The following NDUFAF2 variants were observed in gnomAD, a reference collection of about 807,000 sequenced individuals.
NDUFAF2 encodes NADH:ubiquinone oxidoreductase complex assembly factor 2, also known as NADH dehydrogenase [ubiquinone] 1 alpha subcomplex assembly factor 2.
In NDUFAF2, 13 loss-of-function variants were observed where a neutral mutation model predicts 22.8. The observed-to-expected ratio is 0.57, with a 90% CI of 0.37 to 0.91. The LOEUF (loss-of-function observed/expected upper bound fraction) is 0.91, where lower values mean the gene tolerates loss of function less well. NDUFAF2 is among the 40% of genes least tolerant of loss of function. NDUFAF2 has a pLI of 0.01. For synonymous variants in NDUFAF2, 53 were observed against 64.2 expected (o/e 0.83, Z 0.84); for missense variants, 162 against 195.2 (o/e 0.83, Z 1.01).
chr5:60,959,149 T>C (rs2112566518), intron 1 of NDUFAF2, among the ~76,000 whole-genome samples: 1 of 152,252 alleles, frequency 6.6e-6, no homozygotes, highest in East Asian at 1.9e-4. Context: ...GTCAGAATTA[T>C]AAGTCAAGTC....
chr5:61,094,178 A>T (rs1389504164), intron 2 of NDUFAF2, among the ~76,000 whole-genome samples: 1 of 152,150 alleles, frequency 6.6e-6, no homozygotes, highest in Non-Finnish European at 1.5e-5. Flanking sequence ...GGTTTTGTTC[A>T]TTCTTTTTCA....
chr5:60,989,604 A>T (rs1580082768), intron 1 of NDUFAF2, among the ~76,000 whole-genome samples: 1 of 152,218 alleles, frequency 6.6e-6, no homozygotes, highest in East Asian at 1.9e-4. Flanking sequence ...AGCAACATGG[A>T]TGGAACTGAA....
At chr5:60,980,786 G>C (rs1750966369) in intron 1 of NDUFAF2, among the ~76,000 whole-genome samples, 1 of 151,990 alleles carries the variant, frequency 6.6e-6, no homozygotes, top group South Asian at 2.1e-4. Flanking sequence ...GACAAATGCA[G>C]TTGACACACT....
intron 1 of NDUFAF2, among the ~76,000 whole-genome samples, chr5:61,010,990 A>G (rs1294591985): frequency 1.3e-5 from 2 of 152,066 alleles, no homozygotes; most frequent in East Asian, 3.9e-4. Flanking sequence ...ATGGCGCTGT[A>G]AGGACAGCAG....
intron 1 of NDUFAF2, among the ~76,000 whole-genome samples, chr5:61,065,719 A>T (rs1752218219): frequency 6.6e-6 from 1 of 152,120 alleles, no homozygotes; most frequent in Non-Finnish European, 1.5e-5. Flanking sequence ...CCATTTATTA[A>T]AAACGCACAG....
intron 3 of NDUFAF2, among the ~76,000 whole-genome samples, chr5:61,149,307 A>ATG (rs1741192877): frequency 6.6e-6 from 1 of 152,172 alleles, no homozygotes; most frequent in African/African-American, 2.4e-5. Flanking sequence ...CTCACCTTGT[A>ATG]ATACATAACT....
chr5:60,988,511 T>A (rs955788394), intron 1 of NDUFAF2, among the ~76,000 whole-genome samples: 4 of 152,146 alleles, frequency 2.6e-5, no homozygotes, highest in African/African-American at 9.7e-5. Context: ...AGGCATAATG[T>A]TACCCGACTT....
chr5:61,002,228 A>G (rs1751305779), intron 1 of NDUFAF2, among the ~76,000 whole-genome samples: 1 of 152,140 alleles, frequency 6.6e-6, no homozygotes, highest in South Asian at 2.1e-4. Context: ...TCAGTTACCT[A>G]TTCTGTGAGT....
At chr5:60,974,956 C>T (rs1376719201) in intron 1 of NDUFAF2, among the ~76,000 whole-genome samples, 1 of 152,038 alleles carries the variant, frequency 6.6e-6, no homozygotes, top group Non-Finnish European at 1.5e-5. Context: ...ACTGAGATTA[C>T]AGGTGCACAC....
At chr5:61,075,295 G>A (rs577424360) in intron 2 of NDUFAF2, among the ~76,000 whole-genome samples, 15 of 151,656 alleles carry the variant, frequency 9.9e-5, no homozygotes, top group Non-Finnish European at 1.6e-4. Context: ...CATCATTTCA[G>A]TAAAAATATT....
chr5:61,136,035 A>G lies in NDUFAF2; in HGVS notation c.259-16669A>G, dbSNP rs554549327. On this transcript the variant is annotated intron_variant, in intron 3 of 3. Coordinates refer to ENST00000296597, the MANE Select transcript of NDUFAF2 (RefSeq NM_174889.5). Reference sequence around the variant, plus strand: ...TATATATATATATATATATATATATATATATATCTAGGGTGGATTGCTTTT... The same window carrying G: ...TATATATATATATATATATATATATGTATATATCTAGGGTGGATTGCTTTT... Among the ~76,000 whole-genome samples, 48 of 89,812 alleles carry G rather than the reference A, an allele frequency of 5.3e-4. 6 individuals are homozygous for G. Among genetic ancestry groups the G allele is most frequent in the African/African-American group, 1.8e-3 (45 of 25,252 alleles). The allele number at this position is 89,812 out of a possible 152,430, so 58.9% of individuals were successfully genotyped here.
chr5:61,036,630 G>A (rs1751804114), intron 1 of NDUFAF2, among the ~76,000 whole-genome samples: 2 of 152,122 alleles, frequency 1.3e-5, no homozygotes, highest in South Asian at 2.1e-4. Flanking sequence ...AAACTACAAG[G>A]TATAGGAAAC....
chr5:60,946,049 A>G (rs183475533), intron 1 of NDUFAF2, among the ~76,000 whole-genome samples: 1 of 152,262 alleles, frequency 6.6e-6, no homozygotes, highest in Admixed American at 6.5e-5. Flanking sequence ...AAACGTGGCA[A>G]TAATCATGGT....
rs191388646 is a variant in NDUFAF2, at chr5:61,152,745, A to T, written c.300A>T (p.Ile100=). The T allele has an allele frequency of 9.5e-4, 1,503 of 1,586,708 alleles. 18 individuals carry two copies. The African/African-American group carries it at 0.019, about 20-fold the overall frequency. ...KNEKHREEIK[I]KSQDFYEKEK... ...AAAAACACAGAGAAGAAATCAAAAT[A>T]AAAAGCCAAGATTTTTATGAAAAAG... is the stretch of plus-strand genomic sequence containing the variant. The change falls in exon 4 of 4, where the codon ATA becomes ATT. Residue 100 remains isoleucine, a synonymous_variant. Transcript: ENST00000296597.
chr5:61,045,714 G>GT (rs1347706056), intron 1 of NDUFAF2, among the ~76,000 whole-genome samples: 1 of 147,700 alleles, frequency 6.8e-6, no homozygotes, highest in Non-Finnish European at 1.5e-5. Context: ...TGTTCTAACA[G>GT]TTTTTTGATG....
intron 1 of NDUFAF2, among the ~76,000 whole-genome samples, chr5:60,987,220 G>C (rs1159466556): frequency 6.6e-6 from 1 of 152,024 alleles, no homozygotes; most frequent in Admixed American, 6.6e-5. Flanking sequence ...TCCCAAGACT[G>C]AGCCAGGAAG....
intron 1 of NDUFAF2, among the ~76,000 whole-genome samples, chr5:60,992,563 TA>T (rs1751175182): frequency 6.6e-6 from 1 of 152,222 alleles, no homozygotes; most frequent in Non-Finnish European, 1.5e-5. Context: ...TTTGTCTTTC[TA>T]CACCACAGTT....
intron 3 of NDUFAF2, among the ~76,000 whole-genome samples, chr5:61,123,933 G>C (rs1753005422): frequency 6.6e-6 from 1 of 151,872 alleles, no homozygotes; most frequent in Non-Finnish European, 1.5e-5. Flanking sequence ...TTAAATAAAG[G>C]GACTCTTTGT....
At chr5:60,997,824 C>G (rs56386934) in intron 1 of NDUFAF2, among the ~76,000 whole-genome samples, 3,045 of 152,140 alleles carry the variant, frequency 0.02, 119 homozygotes, top group African/African-American at 0.07. Context: ...TATGAGAGAA[C>G]AAAAATTCTA....
Sources: allele counts gnomAD v4.1 joint callset (sites outside exome capture counted in the v4.1 genomes callset), GRCh38; gene constraint gnomAD v4.1.1; transcripts MANE v1.5; gene names NCBI Gene and HGNC (gene_info 2026-07-23, HGNC 2026-07-21).